The following PCDHA8 variants were observed in gnomAD, a reference collection of about 807,000 sequenced individuals.
The protein encoded by PCDHA8 is protocadherin alpha 8.
A neutral mutation model predicts 61.8 loss-of-function variants in PCDHA8; 53 were observed. The observed-to-expected ratio is 0.86, with a 90% CI of 0.69 to 1.08. The LOEUF (loss-of-function observed/expected upper bound fraction) is 1.08. Ranked by LOEUF, PCDHA8 falls within the 50% of genes least tolerant of loss-of-function variation. The pLI is 0.00. For synonymous variants in PCDHA8, 618 were observed against 556.6 expected (o/e 1.11, Z -1.55); for missense variants, 1,293 against 1,245.0 (o/e 1.04, Z -0.58).
intron 1 of PCDHA8, chr5:140,849,147 G>A (rs2150431262): frequency 2.3e-6 from 3 of 1,282,624 alleles, no homozygotes; most frequent in South Asian, 2.7e-5. Context: ...CACCGATGGA[G>A]GCAAACCCGA....
At chr5:140,941,255 C>CTTTCTTTCTTTCTTTCTTTCTTTCTTTT (rs782490896) in intron 1 of PCDHA8, among the ~76,000 whole-genome samples, 1 of 44,508 alleles carries the variant, frequency 2.2e-5, no homozygotes, top group Non-Finnish European at 5.1e-5. Flanking sequence ...TTCTTTCTTT[C>CTTTCTTTCTTTCTTTCTTTCTTTCTTTT]TCTTTCTTTC....
At chr5:140,870,019 A>C (rs371365026) in intron 1 of PCDHA8, 6 of 1,613,574 alleles carry the variant, frequency 3.7e-6, no homozygotes, top group Non-Finnish European at 5.1e-6. Context: ...GGTCAATGGA[A>C]CTTTAGATTA....
chr5:140,856,947 A>T (rs1486886568), intron 1 of PCDHA8: 1 of 1,592,258 alleles, frequency 6.3e-7, no homozygotes. Flanking sequence ...AGGACGGGAG[A>T]AATAAAAGTA....
Position 140,843,413 on chromosome 5 carries a change from G to A in PCDHA8, c.2092G>A (p.Val698Met), listed in dbSNP as rs2150359466. 1 of 1,596,100 alleles carries A rather than the reference G, an allele frequency of 6.3e-7. No individual in the cohort carries two copies. Among genetic ancestry groups the A allele is most frequent in the Non-Finnish European group, 8.6e-7 (1 of 1,165,608 alleles). The change falls in exon 1 of 4, where the codon GTG becomes ATG. Residue 698 changes from valine (V) to methionine (M), a missense_variant. Val to Met is a conservative substitution (Grantham distance 21). Transcript: ENST00000531613. ...GPEAALVDVN[V>M]YLIIAICAVS... ...GGAAGCGGCGCTGGTGGATGTCAAC[G>A]TGTACCTGATCATCGCCATCTGCGC... is the stretch of plus-strand genomic sequence containing the variant.
At chr5:140,882,531 C>A (rs781969592) in intron 1 of PCDHA8, 2 of 1,614,218 alleles carry the variant, frequency 1.2e-6, no homozygotes, top group Non-Finnish European at 1.7e-6. Context: ...TTTGTGAATT[C>A]TCGGATCGAC....
At chr5:140,884,037 T>C (rs1260114488) in intron 1 of PCDHA8, 1 of 1,613,346 alleles carries the variant, frequency 6.2e-7, no homozygotes, top group Non-Finnish European at 8.5e-7. Flanking sequence ...GCAGGCCACG[T>C]GGTGGCGAAG....
At chr5:140,898,701 A>G (rs1216294301) in intron 1 of PCDHA8, among the ~76,000 whole-genome samples, 2 of 152,102 alleles carry the variant, frequency 1.3e-5, no homozygotes, top group African/African-American at 4.8e-5. Context: ...ATGAACTTTA[A>G]AGTAGTTTTT....
chr5:140,861,421 T>C, intron 1 of PCDHA8: 2 of 481,940 alleles, frequency 4.1e-6, no homozygotes, highest in South Asian at 3.2e-5. Context: ...CCGCGCCTGT[T>C]TCAGTTGGAT....
chr5:140,857,695 G>T (rs2044799008), intron 1 of PCDHA8: 1 of 1,597,116 alleles, frequency 6.3e-7, no homozygotes, highest in South Asian at 1.1e-5. Context: ...GCAACTTGAC[G>T]CTGCAGGTGT....
chr5:140,928,057 G>A, intron 1 of PCDHA8: 1 of 1,614,178 alleles, frequency 6.2e-7, no homozygotes. Context: ...TCAGCTGACG[G>A]CTTCCTTTGA....
In PCDHA8 at chr5:140,876,565, G is replaced by C. The variant is rs371696514; in HGVS notation, c.2394+32850G>C. 63 of 1,614,064 alleles carry C rather than the reference G, an allele frequency of 3.9e-5. No homozygotes were observed. In the Middle Eastern group the frequency reaches 4.9e-4, roughly 13 times the overall value. On this transcript the variant is annotated intron_variant, in intron 1 of 3. Transcript: ENST00000531613. ...GCTCCCTGTGCAAGAGGATGCTCAG[G>C]TGGGTACCGTCATTGCCCTGATTAG...
At chr5:140,940,645 A>G (rs1554213545) in intron 1 of PCDHA8, among the ~76,000 whole-genome samples, 1 of 152,156 alleles carries the variant, frequency 6.6e-6, no homozygotes, top group Non-Finnish European at 1.5e-5. Flanking sequence ...TCATTTATTT[A>G]TTTAAATATA....
In PCDHA8 at chr5:140,952,512, CATCT is replaced by C. The variant is rs2094757607; in HGVS notation, c.2395-26436_2395-26433del. ...CAGTCCTCAGTAAGTTCCTCATCTC[CATCT>C]GAGACCTCCTCAGACTGGACTTCTT... On this transcript the variant is annotated intron_variant, in intron 1 of 3. Coordinates refer to ENST00000531613, the MANE Select transcript of PCDHA8 (RefSeq NM_018911.3). 2.0e-5 allele frequency among the ~76,000 whole-genome samples: 3 copies of C among 152,242 alleles called. No individual in the cohort carries two copies. The South Asian group carries it at 6.2e-4, about 32-fold the overall frequency.
intron 1 of PCDHA8, among the ~76,000 whole-genome samples, chr5:140,923,098 A>C (rs1003952878): frequency 5.9e-5 from 9 of 152,184 alleles, no homozygotes; most frequent in Non-Finnish European, 1.0e-4. Context: ...GACCAATGGG[A>C]GTATGATTTT....
intron 3 of PCDHA8, among the ~76,000 whole-genome samples, chr5:141,008,684 G>A (rs1426948038): frequency 2.0e-5 from 3 of 152,236 alleles, no homozygotes; most frequent in South Asian, 4.2e-4. Flanking sequence ...TTTAGTTATT[G>A]CATGTATTAA....
chr5:140,954,282 T>C (rs1554221335), intron 1 of PCDHA8, among the ~76,000 whole-genome samples: 1 of 152,220 alleles, frequency 6.6e-6, no homozygotes. Context: ...TGATTTATAT[T>C]CCTTTGGGTA....
chr5:140,844,257 G>A lies in PCDHA8; in HGVS notation c.2394+542G>A, dbSNP rs1328189428. Among the ~76,000 whole-genome samples, 4 of 149,406 alleles carry A rather than the reference G, an allele frequency of 2.7e-5. 1 individual carries two copies. Among genetic ancestry groups the A allele is most frequent in the African/African-American group, 9.8e-5 (4 of 40,832 alleles). ...CACTATTGCCGTTTTAAGCAGTGTA[G>A]TGATAAAATACAGAATGATAGTGTT... On this transcript the variant is annotated intron_variant, in intron 1 of 3. Transcript: ENST00000531613.
intron 3 of PCDHA8, among the ~76,000 whole-genome samples, chr5:141,007,135 C>G (rs1183279253): frequency 2.6e-5 from 4 of 152,074 alleles, no homozygotes; most frequent in Non-Finnish European, 5.9e-5. Context: ...GATGAGGAGA[C>G]TGACAAAGGA....
In PCDHA8 at chr5:140,928,040, GC is replaced by G. The variant is rs782389793; in HGVS notation, c.2395-50906del. The G allele has an allele frequency of 2.1e-4, 337 of 1,614,060 alleles. 1 individual carries two copies. Among genetic ancestry groups the G allele is most frequent in the Non-Finnish European group, 2.6e-4 (309 of 1,180,038 alleles). ...GTCATTTGTGGCATGTCTAGTGCAG[GC>G]CCTTTTCAGCTGACGGCTTCCTTTG... is the stretch of plus-strand genomic sequence containing the variant. On this transcript the variant is annotated intron_variant, in intron 1 of 3. Coordinates refer to ENST00000531613, the MANE Select transcript of PCDHA8 (RefSeq NM_018911.3).
Sources: allele counts gnomAD v4.1 joint callset (sites outside exome capture counted in the v4.1 genomes callset), GRCh38; gene constraint gnomAD v4.1.1; transcripts MANE v1.5; gene names NCBI Gene and HGNC (gene_info 2026-07-23, HGNC 2026-07-21).